MTUS1: variants seen among roughly 807,000 people sequenced by gnomAD.
MTUS1 encodes the protein microtubule-associated tumor suppressor 1.
Under a neutral mutation model 120.8 loss-of-function variants are expected in MTUS1, and 109 were observed. The observed-to-expected ratio is 0.90, with a 90% CI of 0.77 to 1.06. The LOEUF is 1.06. Among genes scored for constraint, MTUS1 ranks in the 50% least tolerant of loss-of-function variants. MTUS1 has a pLI of 0.00. For missense variants in MTUS1, 2,210 were observed against 1,486.3 expected (o/e 1.49, Z -8.01); for synonymous variants, 737 against 550.5 (o/e 1.34, Z -4.74).
At chr8:17,785,839 G>T (rs1363373210) in intron 1 of MTUS1, among the ~76,000 whole-genome samples, 1 of 152,158 alleles carries the variant, frequency 6.6e-6, no homozygotes, top group Non-Finnish European at 1.5e-5. Flanking sequence ...TACTGAGAGG[G>T]CCGATGGATC....
intron 2 of MTUS1, among the ~76,000 whole-genome samples, chr8:17,749,089 T>C (rs546084022): frequency 6.6e-6 from 1 of 152,162 alleles, no homozygotes. Flanking sequence ...TAGTTCAGGA[T>C]ATGAAAGGAA....
intron 6 of MTUS1, among the ~76,000 whole-genome samples, chr8:17,688,475 C>T (rs559666739): frequency 7.2e-5 from 11 of 152,304 alleles, no homozygotes; most frequent in South Asian, 2.1e-4. Context: ...CATTAAAAAC[C>T]GATGTTTGTG....
At chr8:17,654,974 C>T (rs188138893) in intron 9 of MTUS1, 139 of 297,064 alleles carry the variant, frequency 4.7e-4, no homozygotes, top group East Asian at 1.4e-3. Flanking sequence ...TGGGATTCAC[C>T]GCTCAACTCT....
intron 6 of MTUS1, among the ~76,000 whole-genome samples, chr8:17,689,210 T>C (rs768478031): frequency 1.3e-4 from 19 of 151,872 alleles, no homozygotes; most frequent in Non-Finnish European, 1.8e-4. Context: ...GACTCCGTTC[T>C]CAAAAACAAA....
chr8:17,752,550 TA>T (rs2048280569), intron 2 of MTUS1, among the ~76,000 whole-genome samples: 1 of 152,254 alleles, frequency 6.6e-6, no homozygotes, highest in African/African-American at 2.4e-5. Flanking sequence ...CAAACATGTC[TA>T]AACTGATGTT....
intron 1 of MTUS1, among the ~76,000 whole-genome samples, chr8:17,760,375 T>A (rs1225920357): frequency 6.6e-6 from 1 of 152,108 alleles, no homozygotes; most frequent in Non-Finnish European, 1.5e-5. Context: ...AAAATAGTGG[T>A]ACAGGGATTT....
intron 2 of MTUS1, among the ~76,000 whole-genome samples, chr8:17,745,569 C>T (rs1367178886): frequency 6.6e-6 from 1 of 152,176 alleles, no homozygotes; most frequent in Non-Finnish European, 1.5e-5. Flanking sequence ...AATTAAAACT[C>T]TTCACAGCTT....
At chr8:17,712,771 T>G (rs139064087) in intron 6 of MTUS1, among the ~76,000 whole-genome samples, 102 of 146,826 alleles carry the variant, frequency 6.9e-4, no homozygotes, top group African/African-American at 2.6e-3. Flanking sequence ...GTGGTTCAAA[T>G]AGTGGAGGCT....
chr8:17,791,892 C>A (rs995332954), intron 1 of MTUS1, among the ~76,000 whole-genome samples: 1 of 152,176 alleles, frequency 6.6e-6, no homozygotes, highest in African/African-American at 2.4e-5. Context: ...ACCCATTGAT[C>A]ATTTTCTATA....
chr8:17,711,301 G>T (rs75683937), intron 6 of MTUS1, among the ~76,000 whole-genome samples: 69 of 152,318 alleles, frequency 4.5e-4, no homozygotes, highest in African/African-American at 1.5e-3. Context: ...AATGTCTGTT[G>T]TTTTGTGTAG....
intron 1 of MTUS1, among the ~76,000 whole-genome samples, chr8:17,769,368 G>C (rs1275670795): frequency 1.6e-5 from 2 of 122,024 alleles, no homozygotes; most frequent in East Asian, 5.0e-4. Context: ...TTTTTTTTGA[G>C]ACAGAGTCTC....
chr8:17,742,291 G>GTTTTTT (rs1237059839), intron 3 of MTUS1, among the ~76,000 whole-genome samples: 14 of 94,682 alleles, frequency 1.5e-4, no homozygotes, highest in Non-Finnish European at 2.1e-4. Context: ...TGTTGTTGTT[G>GTTTTTT]TTTTTTTTTT....
chr8:17,645,041 T>C lies in MTUS1; in HGVS notation c.*885A>G, dbSNP rs1805514709. The C allele has an allele frequency of 8.7e-6, 1 of 115,480 alleles. No individual in the cohort carries two copies. Among genetic ancestry groups the C allele is most frequent in the African/African-American group, 3.4e-5 (1 of 29,260 alleles). The allele number at this position is 115,480 out of a possible 1,614,324, so 7.2% of individuals were successfully genotyped here. Reference sequence around the variant, plus strand: ...TGGAAAAACCCATTGGTACTTCCCTTTTTCTTTCTTTACACAGTTAGTTAG... The same window carrying C: ...TGGAAAAACCCATTGGTACTTCCCTCTTTCTTTCTTTACACAGTTAGTTAG... On this transcript the variant is annotated 3_prime_UTR_variant, in exon 15 of 15. Transcript: ENST00000693296.
At chr8:17,648,494 G>A (rs544281138) in intron 13 of MTUS1, among the ~76,000 whole-genome samples, 38 of 152,292 alleles carry the variant, frequency 2.5e-4, no homozygotes, top group African/African-American at 9.1e-4. Flanking sequence ...AGTCATCCCT[G>A]ACTACCAGAT....
intron 1 of MTUS1, among the ~76,000 whole-genome samples, chr8:17,758,950 C>T (rs917160272): frequency 1.1e-4 from 16 of 152,312 alleles, no homozygotes; most frequent in Non-Finnish European, 1.6e-4. Flanking sequence ...GGCGCGATCT[C>T]GGCTCACTGC....
chr8:17,750,807 C>G (rs941012764), intron 2 of MTUS1, among the ~76,000 whole-genome samples: 3 of 152,214 alleles, frequency 2.0e-5, no homozygotes, highest in Non-Finnish European at 4.4e-5. Context: ...TCTCCACTCC[C>G]TTTATCTCAC....
chr8:17,722,277 A>AAG (rs2045905124), intron 4 of MTUS1: 2 of 985,966 alleles, frequency 2.0e-6, no homozygotes, highest in Admixed American at 1.2e-4. Context: ...CTGTGGCACT[A>AAG]CAGACTGTGT....
chr8:17,717,516 G>A (rs576222800), intron 4 of MTUS1, among the ~76,000 whole-genome samples: 1 of 152,208 alleles, frequency 6.6e-6, no homozygotes, highest in African/African-American at 2.4e-5. Flanking sequence ...TCTTGAAGCC[G>A]TATTTGATTA....
chr8:17,760,193 G>T (rs377225139), intron 1 of MTUS1, among the ~76,000 whole-genome samples: 1 of 151,704 alleles, frequency 6.6e-6, no homozygotes, highest in Non-Finnish European at 1.5e-5. Flanking sequence ...TTCAGCCTGG[G>T]TGACAGGGAC....
Sources: allele counts gnomAD v4.1 joint callset (sites outside exome capture counted in the v4.1 genomes callset), GRCh38; gene constraint gnomAD v4.1.1; transcripts MANE v1.5; gene names NCBI Gene and HGNC (gene_info 2026-07-23, HGNC 2026-07-21).